The following CDKN2B-AS1 variants were observed in gnomAD, a reference collection of about 807,000 sequenced individuals.
The protein encoded by CDKN2B-AS1 is CDKN2B antisense RNA 1 (non-protein coding).
Position 22,127,668 on chromosome 9 carries a change from G to T in CDKN2B-AS1, n.1004G>T, listed in dbSNP as rs561725134. Reference sequence around the variant, plus strand: ...GGGTAAAAGGAAGGCAGGGATGAGAGTGAGGAAGGGAGACAGGAGGGTCCC... The same window carrying T: ...GGGTAAAAGGAAGGCAGGGATGAGATTGAGGAAGGGAGACAGGAGGGTCCC... On this transcript the variant is annotated non_coding_transcript_exon_variant, in exon 5 of 5. Coordinates refer to ENST00000650946, the Ensembl canonical transcript of CDKN2B-AS1. Among the ~76,000 whole-genome samples, 4 of 152,228 alleles carry T rather than the reference G, an allele frequency of 2.6e-5. No homozygotes were observed. In the East Asian group the frequency reaches 7.7e-4, roughly 29 times the overall value.
chr9:22,083,901 A>G (rs1824782734), intron 4 of CDKN2B-AS1, among the ~76,000 whole-genome samples: 2 of 152,208 alleles, frequency 1.3e-5, no homozygotes, highest in Admixed American at 6.5e-5. Context: ...TGATGGCGCT[A>G]TATATTACAT....
At chr9:22,072,439 C>T (rs968751398) in intron 4 of CDKN2B-AS1, among the ~76,000 whole-genome samples, 6 of 152,028 alleles carry the variant, frequency 3.9e-5, no homozygotes, top group African/African-American at 1.5e-4. Context: ...CAGACAGAGA[C>T]ACTAGTTATG....
intron 1 of CDKN2B-AS1, among the ~76,000 whole-genome samples, chr9:22,043,412 T>TCA (rs1167115602): frequency 6.6e-6 from 1 of 151,868 alleles, no homozygotes; most frequent in Non-Finnish European, 1.5e-5. Flanking sequence ...CAAAATCTAT[T>TCA]CACACACACA....
At chr9:22,034,143 G>C (rs977233064) in intron 1 of CDKN2B-AS1, among the ~76,000 whole-genome samples, 2 of 152,168 alleles carry the variant, frequency 1.3e-5, no homozygotes, top group Admixed American at 1.3e-4. Flanking sequence ...GGATAGATAA[G>C]AGAAGGTTCT....
In CDKN2B-AS1 at chr9:22,001,963, T is replaced by G. The variant is rs1469441484; in HGVS notation, n.29+6802T>G. Among the ~76,000 whole-genome samples, 1 of 152,124 alleles carries G rather than the reference T, an allele frequency of 6.6e-6. No homozygotes were observed. The highest frequency in any genetic ancestry group is 1.5e-5 in the Non-Finnish European group (1 of 67,952). Reference sequence around the variant, plus strand: ...CGTTATAAGTAGAATAGGAAAATATTGAAAGTATTGAGGCTCAACTGTTGT... The same window carrying G: ...CGTTATAAGTAGAATAGGAAAATATGGAAAGTATTGAGGCTCAACTGTTGT... On this transcript the variant is annotated intron_variant and non_coding_transcript_variant, in intron 1 of 4. Transcript: ENST00000650946. The surrounding 1 kb of genome is among the most constrained non-coding windows in gnomAD (Gnocchi z 4.2).
At chr9:22,119,401 G>T (rs935034659) in intron 4 of CDKN2B-AS1, 1 of 152,026 alleles carries the variant, frequency 6.6e-6, no homozygotes, top group African/African-American at 2.4e-5. Context: ...GAACTTTTTA[G>T]CAATGTATAT....
chr9:22,126,823 C>T (rs1464571882), intron 4 of CDKN2B-AS1, among the ~76,000 whole-genome samples: 2 of 152,092 alleles, frequency 1.3e-5, no homozygotes, highest in African/African-American at 4.8e-5. Context: ...CAGCCCGCCT[C>T]GGCCTCCCAA....
chr9:22,103,052 C>T (rs568795171), intron 4 of CDKN2B-AS1, among the ~76,000 whole-genome samples: 14 of 151,958 alleles, frequency 9.2e-5, no homozygotes, highest in African/African-American at 3.1e-4. Flanking sequence ...CAAACACAAT[C>T]TATCCAGAAA....
chr9:22,040,228 GATC>G (rs1822845490), intron 1 of CDKN2B-AS1, among the ~76,000 whole-genome samples: 1 of 151,950 alleles, frequency 6.6e-6, no homozygotes, highest in South Asian at 2.1e-4. Context: ...AAGAGCCTGT[GATC>G]ATGTATTATC....
At chr9:22,016,427 C>T (rs1335377157) in intron 1 of CDKN2B-AS1, among the ~76,000 whole-genome samples, 1 of 152,164 alleles carries the variant, frequency 6.6e-6, no homozygotes, top group East Asian at 1.9e-4. Flanking sequence ...TGACTTTCTT[C>T]ACAGAATTGG....
chr9:22,020,542 A>AT (rs149191774), intron 1 of CDKN2B-AS1, among the ~76,000 whole-genome samples: 1 of 151,552 alleles, frequency 6.6e-6, no homozygotes, highest in African/African-American at 2.4e-5. Context: ...AGCATCTGTT[A>AT]TTTTTTTTGA....
At chr9:22,012,257 G>C in intron 1 of CDKN2B-AS1, 1 of 1,435,054 alleles carries the variant, frequency 7.0e-7, no homozygotes, top group Admixed American at 1.7e-5. Flanking sequence ...AGACAAGGAG[G>C]GTATCCCCCC....
chr9:22,077,328 T>C (rs73448363), intron 4 of CDKN2B-AS1, among the ~76,000 whole-genome samples: 13,431 of 152,118 alleles, frequency 0.088, 1,641 homozygotes, highest in African/African-American at 0.28. Flanking sequence ...TTCATGTAAA[T>C]ATTTAAAATT....
chr9:22,121,990 G>T (rs1009089910), intron 4 of CDKN2B-AS1, among the ~76,000 whole-genome samples: 1 of 151,526 alleles, frequency 6.6e-6, no homozygotes, highest in African/African-American at 2.4e-5. Flanking sequence ...CATAGTGGTT[G>T]TACTAGTTTA....
chr9:22,064,141 G>A (rs1823938591), intron 4 of CDKN2B-AS1: 1 of 152,190 alleles, frequency 6.6e-6, no homozygotes, highest in Non-Finnish European at 1.5e-5. Flanking sequence ...AAGACACTGG[G>A]TTTTCTAGCA....
At chr9:22,027,406 A>C (rs1822286157) in intron 1 of CDKN2B-AS1, among the ~76,000 whole-genome samples, 2 of 152,214 alleles carry the variant, frequency 1.3e-5, no homozygotes, top group Non-Finnish European at 2.9e-5. Flanking sequence ...CTCAGAGGAC[A>C]GGATAAAAGC....
At chr9:22,060,450 T>C (rs1390655321) in intron 4 of CDKN2B-AS1, among the ~76,000 whole-genome samples, 1 of 152,230 alleles carries the variant, frequency 6.6e-6, no homozygotes, top group Non-Finnish European at 1.5e-5. Flanking sequence ...CACCTCAGCC[T>C]GGATTTTATT....
At chr9:22,027,464 A>G (rs759383857) in intron 1 of CDKN2B-AS1, among the ~76,000 whole-genome samples, 3 of 152,252 alleles carry the variant, frequency 2.0e-5, no homozygotes, top group Admixed American at 1.3e-4. Flanking sequence ...AATATCGCTG[A>G]TAAGAGTCTC....
chr9:22,115,207 G>A (rs1026497912), intron 4 of CDKN2B-AS1, among the ~76,000 whole-genome samples: 4 of 152,206 alleles, frequency 2.6e-5, no homozygotes, highest in African/African-American at 9.7e-5. Context: ...GTGGCTTAAA[G>A]TTAGGCTGAA....
Sources: gnomAD v4.1 joint callset for allele counts (sites outside exome capture counted in the v4.1 genomes callset) on GRCh38, gnomAD v4.1.1 for gene constraint, Gnocchi (gnomAD v3.1) non-coding constraint, MANE v1.5 for transcripts, NCBI Gene and HGNC (gene_info 2026-07-23, HGNC 2026-07-21) for gene names.